The following XYLT1 variants were observed in gnomAD, a reference collection of about 807,000 sequenced individuals.
XYLT1 encodes the protein xylosyltransferase 1, also known as beta-D-xylosyltransferase 1.
Under a neutral mutation model 91.3 loss-of-function variants are expected in XYLT1, and 36 were observed. That is an observed-to-expected ratio of 0.39 (90% CI 0.30 to 0.52). XYLT1 has a LOEUF of 0.52. Ranked by LOEUF, XYLT1 falls within the 20% of genes least tolerant of loss-of-function variation. XYLT1 has a pLI of 0.68. For synonymous variants in XYLT1, 588 were observed against 532.0 expected (o/e 1.11, Z -1.45); for missense variants, 1,242 against 1,284.5 (o/e 0.97, Z 0.51).
intron 2 of XYLT1, among the ~76,000 whole-genome samples, chr16:17,334,411 C>T (rs879917360): frequency 3.9e-5 from 6 of 152,180 alleles, no homozygotes; most frequent in Admixed American, 2.0e-4. Flanking sequence ...AAAGTGACTG[C>T]AGTAAGAGCC....
intron 6 of XYLT1, among the ~76,000 whole-genome samples, chr16:17,154,353 T>G (rs2031354608): frequency 6.6e-6 from 1 of 151,948 alleles, no homozygotes; most frequent in African/African-American, 2.4e-5. Context: ...TGACCCTGGA[T>G]GAAGTGGAGA....
At chr16:17,426,326 G>A (rs777503575) in intron 1 of XYLT1, among the ~76,000 whole-genome samples, 8 of 152,098 alleles carry the variant, frequency 5.3e-5, no homozygotes, top group African/African-American at 7.2e-5. Context: ...TTGGGAGGCC[G>A]AGGCAGATGG....
chr16:17,271,323 CAGAG>C (rs1352215393), intron 2 of XYLT1, among the ~76,000 whole-genome samples: 6 of 151,724 alleles, frequency 4.0e-5, no homozygotes, highest in Non-Finnish European at 7.4e-5. Context: ...GGTAGAGACA[CAGAG>C]AGAGAGACAC....
At chr16:17,179,348 C>T (rs8061170) in intron 5 of XYLT1, among the ~76,000 whole-genome samples, 3 of 151,900 alleles carry the variant, frequency 2.0e-5, no homozygotes, top group Non-Finnish European at 4.4e-5. Flanking sequence ...CTATGTAACA[C>T]ACCTGCACAT....
intron 2 of XYLT1, among the ~76,000 whole-genome samples, chr16:17,325,309 G>C (rs1006194495): frequency 2.0e-5 from 3 of 152,174 alleles, no homozygotes; most frequent in African/African-American, 7.2e-5. Flanking sequence ...GCTAAGACAG[G>C]GGAATTGCTT....
rs2034985273 is a variant in XYLT1 at position 17,336,770 on chromosome 16, A to T, written c.402+21242T>A. On this transcript the variant is annotated intron_variant, in intron 2 of 11. Coordinates refer to ENST00000261381, the MANE Select transcript of XYLT1 (RefSeq NM_022166.4). The stretch of plus-strand genomic sequence containing the variant: ...CATCCCCAAACACAGGGACTTTCGT[A>T]TGTGTGTCCGACTGGCCTTGCTCCC... Among the ~76,000 whole-genome samples, 3 of 152,270 alleles carry T rather than the reference A, an allele frequency of 2.0e-5. No individual in the cohort carries two copies. The South Asian group carries it at 6.2e-4, about 32-fold the overall frequency.
At chr16:17,359,087 CA>C (rs1042344808) in intron 1 of XYLT1, among the ~76,000 whole-genome samples, 184 of 152,164 alleles carry the variant, frequency 1.2e-3, no homozygotes, top group African/African-American at 4.2e-3. Context: ...GAGTGGTTTC[CA>C]AAGAAAACAG....
At chr16:17,145,886 T>C (rs1383748640) in intron 6 of XYLT1, among the ~76,000 whole-genome samples, 4 of 152,262 alleles carry the variant, frequency 2.6e-5, no homozygotes, top group African/African-American at 4.8e-5. Context: ...CAGACCTCGT[T>C]ACTCTGTCTT....
chr16:17,154,528 T>C (rs967946509), intron 6 of XYLT1, among the ~76,000 whole-genome samples: 1 of 152,220 alleles, frequency 6.6e-6, no homozygotes, highest in African/African-American at 2.4e-5. Context: ...TGTAGGGATG[T>C]TTCCAAATAC....
intron 2 of XYLT1, among the ~76,000 whole-genome samples, chr16:17,298,449 C>T (rs1049435418): frequency 4.6e-5 from 7 of 152,296 alleles, no homozygotes; most frequent in East Asian, 3.9e-4. Context: ...AAGGAGCTGA[C>T]GTCATTTATA....
intron 1 of XYLT1, among the ~76,000 whole-genome samples, chr16:17,441,878 G>C (rs2036536619): frequency 6.6e-6 from 1 of 152,160 alleles, no homozygotes; most frequent in Non-Finnish European, 1.5e-5. Flanking sequence ...AAGCGTTAAA[G>C]TTATTTTTGC....
intron 1 of XYLT1, among the ~76,000 whole-genome samples, chr16:17,458,705 G>A (rs2036776224): frequency 6.6e-6 from 1 of 152,018 alleles, no homozygotes; most frequent in South Asian, 2.1e-4. Flanking sequence ...CAACCAAGCT[G>A]CAATCAGGAT....
rs772140093 is a variant in XYLT1 at position 17,127,669 on chromosome 16, G to A, written c.2220C>T (p.Ser740=). The change falls in exon 10 of 12, where the codon TCC becomes TCT. Residue 740 remains serine, a synonymous_variant. Transcript: ENST00000261381. ...GTGACAAGACCTGGCCTCTTACCTC[G>A]GAAAACTGAAGCCTCCCAAAGTCAC... ...PPSDFGRLQF[S]EVGTDWDAKE... 53 of 1,612,962 alleles carry A rather than the reference G, an allele frequency of 3.3e-5. No individual in the cohort carries two copies. The highest frequency in any genetic ancestry group is 1.1e-4 in the African/African-American group (8 of 74,770).
At chr16:17,357,926 C>A in intron 2 of XYLT1, 86 bp downstream of exon 2, 1 of 1,488,848 alleles carries the variant, frequency 6.7e-7, no homozygotes, top group South Asian at 1.2e-5. Context: ...TGGGCCTGTC[C>A]AGCCTTTCAG....
chr16:17,244,266 G>A (rs902511267), intron 3 of XYLT1, among the ~76,000 whole-genome samples: 1 of 151,916 alleles, frequency 6.6e-6, no homozygotes, highest in Non-Finnish European at 1.5e-5. Flanking sequence ...TGGGGGTGGG[G>A]CCTTGGGGGG....
At chr16:17,352,119 ACT>A (rs761361924) in intron 2 of XYLT1, among the ~76,000 whole-genome samples, 2 of 152,038 alleles carry the variant, frequency 1.3e-5, no homozygotes, top group Admixed American at 6.6e-5. Flanking sequence ...ACAGAGCAAG[ACT>A]CTCTCAAAAA....
chr16:17,110,287 C>G (rs1468509188), intron 11 of XYLT1, among the ~76,000 whole-genome samples: 1 of 152,168 alleles, frequency 6.6e-6, no homozygotes, highest in Non-Finnish European at 1.5e-5. Context: ...TATGGTTTGG[C>G]CGTGTCCCCA....
At chr16:17,465,866 C>T (rs1215472581) in intron 1 of XYLT1, among the ~76,000 whole-genome samples, 1 of 152,200 alleles carries the variant, frequency 6.6e-6, no homozygotes, top group Admixed American at 6.5e-5. Flanking sequence ...TGCTACATTT[C>T]ATCCTCATAC....
At chr16:17,351,985 A>G (rs2035227701) in intron 2 of XYLT1, among the ~76,000 whole-genome samples, 1 of 152,052 alleles carries the variant, frequency 6.6e-6, no homozygotes, top group Admixed American at 6.6e-5. Context: ...CTCTACAAAA[A>G]TTACAAAAAT....
Sources: allele counts gnomAD v4.1 joint callset (sites outside exome capture counted in the v4.1 genomes callset), GRCh38; gene constraint gnomAD v4.1.1; transcripts MANE v1.5; gene names NCBI Gene and HGNC (gene_info 2026-07-23, HGNC 2026-07-21).